The following POLN variants were observed in gnomAD, a reference collection of about 807,000 sequenced individuals.
POLN encodes DNA polymerase N.
In POLN, 108 loss-of-function variants were observed where a neutral mutation model predicts 113.5. The observed-to-expected ratio is 0.95, with a 90% CI of 0.81 to 1.12. The LOEUF (loss-of-function observed/expected upper bound fraction) is 1.12. Ranked by LOEUF, POLN falls within the 50% of genes most tolerant of loss-of-function variation. The pLI is 0.00. For synonymous variants in POLN, 386 were observed against 391.5 expected (o/e 0.99, Z 0.17); for missense variants, 1,097 against 1,077.1 (o/e 1.02, Z -0.26).
At chr4:2,215,003 T>C (rs753719968) in intron 3 of POLN, among the ~76,000 whole-genome samples, 16 of 152,046 alleles carry the variant, frequency 1.1e-4, no homozygotes, top group Middle Eastern at 3.4e-3. Context: ...ATAATATCCA[T>C]CATCTAACCA....
At chr4:2,130,676 G>A (rs1392963838) in intron 17 of POLN, among the ~76,000 whole-genome samples, 1 of 152,122 alleles carries the variant, frequency 6.6e-6, no homozygotes, top group Non-Finnish European at 1.5e-5. Flanking sequence ...TGGGAGGCTG[G>A]TGGGGGAGAG....
At chr4:2,180,537 T>C (rs1186382001) in intron 7 of POLN, among the ~76,000 whole-genome samples, 1 of 152,226 alleles carries the variant, frequency 6.6e-6, no homozygotes, top group African/African-American at 2.4e-5. Flanking sequence ...CTTTCTCATT[T>C]GATATCTAGG....
At chr4:2,163,523 G>T (rs1404748557) in intron 13 of POLN, among the ~76,000 whole-genome samples, 1 of 152,242 alleles carries the variant, frequency 6.6e-6, no homozygotes. Context: ...GCCGGCTGCA[G>T]ACACCACATT....
At chr4:2,114,149 T>G (rs1047879178) in intron 19 of POLN, among the ~76,000 whole-genome samples, 5 of 151,968 alleles carry the variant, frequency 3.3e-5, no homozygotes, top group Non-Finnish European at 5.9e-5. Context: ...CCCTCCCACC[T>G]TAGCCTCTGA....
chr4:2,166,750 C>CT (rs1366171445), intron 13 of POLN, among the ~76,000 whole-genome samples: 1 of 152,164 alleles, frequency 6.6e-6, no homozygotes, highest in Admixed American at 6.5e-5. Flanking sequence ...AGTACACACA[C>CT]TGGCGACACT....
rs770493393 is a variant in POLN at position 2,075,485 on chromosome 4, CA to C, written c.2421del (p.Phe807LeufsTer38). On this transcript the variant is annotated frameshift_variant, in exon 24 of 26. Transcript: ENST00000511885. LOFTEE classifies it high-confidence loss of function. Reference sequence around the variant, plus strand: ...TCCGGGATCTGCGGATCTTCCACTTCAAACAGCAGCTCATCATGGATCTGGG... The same window carrying C: ...TCCGGGATCTGCGGATCTTCCACTTCAACAGCAGCTCATCATGGATCTGGG... ...LVAQIHDELL[F>X]EVEDPQIPEC... The C allele has an allele frequency of 6.2e-7, 1 of 1,613,574 alleles. No homozygotes were observed. Among genetic ancestry groups the C allele is most frequent in the Non-Finnish European group, 8.5e-7 (1 of 1,180,030 alleles).
intron 19 of POLN, among the ~76,000 whole-genome samples, chr4:2,105,665 A>T (rs1167756942): frequency 6.6e-6 from 1 of 152,008 alleles, no homozygotes; most frequent in Admixed American, 6.6e-5. Context: ...AGAGAGGGGG[A>T]GCTGAAAGTA....
intron 2 of POLN, chr4:2,230,106 CCAA>C (rs1478368751): frequency 1.3e-5 from 2 of 152,574 alleles, no homozygotes; most frequent in African/African-American, 4.8e-5. Context: ...ACCAGCCTGA[CCAA>C]CATGGTGAAA....
At chr4:2,080,367 GCC>G (rs56785461) in intron 23 of POLN, 25 of 991,718 alleles carry the variant, frequency 2.5e-5, no homozygotes, top group Middle Eastern at 5.0e-4. Context: ...CCAGGGCGGA[GCC>G]CCCCCCCACC....
intron 2 of POLN, chr4:2,234,164 CTATT>C (rs1238608640): frequency 6.6e-6 from 1 of 152,122 alleles, no homozygotes; most frequent in Non-Finnish European, 1.5e-5. Context: ...GTTAAGAAAA[CTATT>C]TAGAGAGTAA....
chr4:2,220,454 G>T (rs1007156812), intron 3 of POLN, among the ~76,000 whole-genome samples: 3 of 152,178 alleles, frequency 2.0e-5, no homozygotes, highest in Non-Finnish European at 4.4e-5. Context: ...ATACCCCATA[G>T]GTGGGTTCCC....
At chr4:2,089,831 C>A in intron 20 of POLN, 1 of 857,784 alleles carries the variant, frequency 1.2e-6, no homozygotes, top group South Asian at 1.5e-5. Context: ...CTCAACAAAT[C>A]AGCATCTAGG....
At chr4:2,212,541 A>ATT (rs541104175) in intron 4 of POLN, among the ~76,000 whole-genome samples, 32 of 144,134 alleles carry the variant, frequency 2.2e-4, no homozygotes, top group African/African-American at 7.1e-4. Flanking sequence ...TGCCCAGTTA[A>ATT]TTTTTTTTTT....
At chr4:2,119,736 G>C (rs1029704510) in intron 19 of POLN, among the ~76,000 whole-genome samples, 1 of 152,096 alleles carries the variant, frequency 6.6e-6, no homozygotes, top group African/African-American at 2.4e-5. Context: ...ATTTGATCTT[G>C]CTGCTTTTTT....
chr4:2,194,088 A>G lies in POLN; in HGVS notation c.909-772T>C, dbSNP rs113786031. ...GAAGTGATTGTTGCACTGAAACCTC[A>G]TCACTATCCTATCTGGCATGCACTA... On this transcript the variant is annotated intron_variant, in intron 6 of 25. Coordinates refer to ENST00000511885, the MANE Select transcript of POLN (RefSeq NM_181808.4). Among the ~76,000 whole-genome samples the G allele has an allele frequency of 3.8e-3, 576 of 152,330 alleles. 4 individuals are homozygous for G. The highest frequency in any genetic ancestry group is 0.013 in the African/African-American group (545 of 41,572).
At chr4:2,105,568 G>A (rs1027456866) in intron 19 of POLN, among the ~76,000 whole-genome samples, 2 of 152,140 alleles carry the variant, frequency 1.3e-5, no homozygotes, top group African/African-American at 2.4e-5. Context: ...TGAAAGTTCA[G>A]GAAGAGCTGG....
intron 22 of POLN, 116 bp downstream of exon 22, chr4:2,081,517 G>A: frequency 1.0e-6 from 1 of 994,316 alleles, no homozygotes; most frequent in Non-Finnish European, 1.5e-6. Flanking sequence ...CTGCAAGGAG[G>A]TTTGTGATGA....
Position 2,171,178 on chromosome 4 carries a change from G to T in POLN, c.1378C>A (p.Arg460Ser), listed in dbSNP as rs140423155. The T allele has an allele frequency of 7.5e-6, 12 of 1,610,394 alleles. No individual in the cohort carries two copies. The highest frequency in any genetic ancestry group is 1.3e-5 in the African/African-American group (1 of 74,728). ...MEKTSALLGA[R>S]LKELEQEAHF... ...GCTTCTTGCTCCAATTCCTTGAGAC[G>T]AGCCTGAAAATATGATACACACAAT... The change falls in exon 12 of 26, where the codon CGT becomes AGT. Residue 460 changes from arginine to serine, a missense_variant. Transcript: ENST00000511885.
intron 16 of POLN, among the ~76,000 whole-genome samples, chr4:2,140,605 G>A (rs1288213297): frequency 2.6e-5 from 4 of 152,112 alleles, no homozygotes; most frequent in African/African-American, 9.7e-5. Context: ...AAATTAGCCA[G>A]GTATGGTGGT....
Sources: allele counts gnomAD v4.1 joint callset (sites outside exome capture counted in the v4.1 genomes callset), GRCh38; gene constraint gnomAD v4.1.1; transcripts MANE v1.5; gene names NCBI Gene and HGNC (gene_info 2026-07-23, HGNC 2026-07-21).